ANKRD26: variants seen among roughly 807,000 people sequenced by gnomAD.
ANKRD26 encodes ankyrin repeat domain 26.
In ANKRD26, 141 loss-of-function variants were observed where a neutral mutation model predicts 208.7. The observed-to-expected ratio is 0.68, with a 90% CI of 0.59 to 0.78. ANKRD26 has a LOEUF of 0.78. Ranked by LOEUF, ANKRD26 falls within the 30% of genes least tolerant of loss-of-function variation. The pLI is 0.00. For missense variants in ANKRD26, 1,889 were observed against 1,938.7 expected (o/e 0.97, Z 0.48); for synonymous variants, 636 against 660.4 (o/e 0.96, Z 0.57).
intron 9 of ANKRD26, among the ~76,000 whole-genome samples, 162 bp from the exon 10 acceptor site, chr10:27,067,448 C>T (rs116190229): frequency 2.4e-4 from 37 of 151,508 alleles, no homozygotes; most frequent in African/African-American, 7.3e-4. Context: ...AAACACCTGA[C>T]GGGGTAATTT....
chr10:27,027,736 TTACA>T (rs2053713173), intron 27 of ANKRD26, among the ~76,000 whole-genome samples: 1 of 152,180 alleles, frequency 6.6e-6, no homozygotes, highest in Non-Finnish European at 1.5e-5. Context: ...TAAAATATTC[TTACA>T]TACAGATAGT....
At chr10:27,066,292 C>A in intron 11 of ANKRD26, 195 bp downstream of exon 11, 1 of 384,686 alleles carries the variant, frequency 2.6e-6, no homozygotes, top group Non-Finnish European at 4.6e-6. Flanking sequence ...ATGAATCCTG[C>A]AAATTAGCAG....
chr10:26,952,696 G>T, the ANKRD26 span, among the ~76,000 whole-genome samples: 1 of 152,178 alleles, frequency 6.6e-6, no homozygotes, highest in South Asian at 2.1e-4. Flanking sequence ...GACAGCAGAT[G>T]AAGTTCCTCA....
In ANKRD26 at chr10:27,048,879, T is replaced by C; in HGVS notation, c.1736A>G (p.Asp579Gly). The part of the protein sequence containing the change: ...TDDAEDDDDD[D>G]GLIQKRKSGE... ...ACTCTTTCTTTTTTGAATTAATCCA[T>C]CATCATCATCATCATCTTCAGCATC... The change falls in exon 17 of 34, where the codon GAT becomes GGT. Residue 579 changes from aspartate (D) to glycine (G), a missense_variant. By Grantham distance (94) the Asp-to-Gly change is moderately conservative. Coordinates refer to ENST00000376087, the MANE Select transcript of ANKRD26 (RefSeq NM_014915.3). 6.2e-7 allele frequency: 1 copy of C among 1,606,006 alleles called. No individual in the cohort carries two copies. Among genetic ancestry groups the C allele is most frequent in the Non-Finnish European group, 8.5e-7 (1 of 1,174,684 alleles).
At chr10:26,958,048 G>A in the ANKRD26 span, among the ~76,000 whole-genome samples, 2 of 149,814 alleles carry the variant, frequency 1.3e-5, no homozygotes, top group Admixed American at 6.7e-5. Flanking sequence ...GTGGTTTACT[G>A]CACAGATCAT....
At chr10:27,077,149 A>G (rs1220544419) in intron 9 of ANKRD26, 189 bp downstream of exon 9, 10 of 607,356 alleles carry the variant, frequency 1.6e-5, no homozygotes, top group Non-Finnish European at 2.9e-5. Flanking sequence ...GTAATAATTC[A>G]CCATGATCAA....
chr10:26,997,523 A>G (rs2052619851), intron 4 of ANKRD26, among the ~76,000 whole-genome samples: 1 of 152,134 alleles, frequency 6.6e-6, no homozygotes, highest in Non-Finnish European at 1.5e-5. Flanking sequence ...CCAGTCTTTT[A>G]CAGTAGTAAC....
At chr10:27,026,480 G>A (rs2053661468) in intron 27 of ANKRD26, among the ~76,000 whole-genome samples, 1 of 152,134 alleles carries the variant, frequency 6.6e-6, no homozygotes, top group Non-Finnish European at 1.5e-5. Flanking sequence ...ACTAACACAT[G>A]AAATCTAGAA....
intron 18 of ANKRD26, 145 bp from the exon 19 acceptor site, chr10:27,044,335 TA>T: frequency 1.4e-6 from 1 of 729,658 alleles, no homozygotes; most frequent in Non-Finnish European, 2.0e-6. Flanking sequence ...TTTTTACAGG[TA>T]ATATAAAAGA....
the ANKRD26 span, among the ~76,000 whole-genome samples, chr10:26,948,529 T>C: frequency 6.6e-6 from 1 of 152,220 alleles, no homozygotes; most frequent in East Asian, 1.9e-4. Context: ...CAATCCCTCA[T>C]TTGGTAATAA....
In ANKRD26 at chr10:27,064,049, A is replaced by G. The variant is rs745877784; in HGVS notation, c.1302T>C (p.Val434=). 6.2e-7 allele frequency: 1 copy of G among 1,611,586 alleles called. No homozygotes were observed. Among genetic ancestry groups the G allele is most frequent in the Non-Finnish European group, 8.5e-7 (1 of 1,179,578 alleles). The part of the protein sequence containing the change: ...SISENFPQKY[V]DPLAGAADGK... ...CGTCTGCAGCCCCAGCTAAAGGATC[A>G]ACATACTTCTGTGGAAAATTCTCAG... The change falls in exon 12 of 34, where the codon GTT becomes GTC. Residue 434 remains valine, a synonymous_variant. Transcript: ENST00000376087.
At chr10:26,960,990 G>A in the ANKRD26 span, among the ~76,000 whole-genome samples, 4 of 147,940 alleles carry the variant, frequency 2.7e-5, no homozygotes, top group South Asian at 2.1e-4. Context: ...AGGCTGAGAC[G>A]GGCAGATCAC....
chr10:27,039,975 AC>A lies in ANKRD26; in HGVS notation c.2364del (p.Cys789AlafsTer3). 1 of 1,613,368 alleles carries A rather than the reference AC, an allele frequency of 6.2e-7. No homozygotes were observed. The highest frequency in any genetic ancestry group is 2.2e-5 in the East Asian group (1 of 44,788). On this transcript the variant is annotated frameshift_variant, in exon 21 of 34. Transcript: ENST00000376087. LOFTEE classifies it high-confidence loss of function. ...EHQKVEWERE[L>X]CSLRFSLNQE... ...ACTAGGCTATCATACCTCAAAGAGC[AC>A]AGTTCTCGTTCCCATTCAACTTTTT...
intron 4 of ANKRD26, among the ~76,000 whole-genome samples, chr10:26,995,838 T>C (rs1037008661): frequency 6.6e-6 from 1 of 152,194 alleles, no homozygotes; most frequent in Non-Finnish European, 1.5e-5. Context: ...CCAAGGAGAA[T>C]GTCATCCACG....
Position 27,093,590 on chromosome 10 carries a change from C to T in ANKRD26, c.358-68G>A, listed in dbSNP as rs2297148. The T allele has an allele frequency of 0.054, 86,292 of 1,599,910 alleles. 3,090 individuals are homozygous for T. The highest frequency in any genetic ancestry group is 0.16 in the African/African-American group (12,252 of 74,662). The stretch of plus-strand genomic sequence containing the variant: ...TGCAAAATAAACACTCCACAGGTTT[C>T]ACCAATTAGTTATATTTTAATGAGA... On this transcript the variant is annotated intron_variant, in intron 2 of 33. Transcript: ENST00000376087.
downstream of ANKRD26, among the ~76,000 whole-genome samples, chr10:27,001,211 G>A (rs1203137351): frequency 6.6e-6 from 1 of 152,124 alleles, no homozygotes; most frequent in Admixed American, 6.5e-5. Flanking sequence ...ACTAAGCCTG[G>A]AAACAAAATT....
At chr10:27,019,038 T>C (rs10829159) in intron 29 of ANKRD26, among the ~76,000 whole-genome samples, 30,390 of 152,042 alleles carry the variant, frequency 0.2, 3,628 homozygotes, top group East Asian at 0.56. Context: ...CCCAGCACTT[T>C]GGGAGGACAA....
intron 10 of ANKRD26, among the ~76,000 whole-genome samples, chr10:27,066,784 T>C (rs560190281): frequency 6.6e-6 from 1 of 152,178 alleles, no homozygotes. Context: ...TGGGTCTGCA[T>C]ATGTTAATTG....
intron 20 of ANKRD26, among the ~76,000 whole-genome samples, chr10:27,041,898 TA>T (rs1338532302): frequency 6.6e-6 from 1 of 152,032 alleles, no homozygotes; most frequent in African/African-American, 2.4e-5. Context: ...GAAAGCAAAC[TA>T]TTATAATTAT....
Sources: gnomAD v4.1 joint callset for allele counts (sites outside exome capture counted in the v4.1 genomes callset) on GRCh38, gnomAD v4.1.1 for gene constraint, MANE v1.5 for transcripts, NCBI Gene and HGNC (gene_info 2026-07-23, HGNC 2026-07-21) for gene names.